The following CAPS2 variants were observed in gnomAD, a reference collection of about 807,000 sequenced individuals.
The protein encoded by CAPS2 is calcyphosine 2.
A neutral mutation model predicts 86.5 loss-of-function variants in CAPS2; 98 were observed. The ratio of observed to expected loss-of-function variants is 1.13; its 90% CI spans 0.96 to 1.34. CAPS2 has a LOEUF of 1.34. Ranked by LOEUF, CAPS2 falls within the 40% of genes most tolerant of loss-of-function variation. CAPS2 has a pLI of 0.00. For synonymous variants in CAPS2, 210 were observed against 225.1 expected (o/e 0.93, Z 0.60); for missense variants, 729 against 686.8 (o/e 1.06, Z -0.69).
At chr12:75,312,086 G>C (rs185219485) in intron 7 of CAPS2, among the ~76,000 whole-genome samples, 1 of 152,218 alleles carries the variant, frequency 6.6e-6, no homozygotes, top group African/African-American at 2.4e-5. Context: ...AACCTCTTCA[G>C]AAATTCTAGC....
exon 12 of CAPS2, chr12:75,293,283 T>C (rs369420647): frequency 5.0e-6 from 8 of 1,609,994 alleles, no homozygotes; most frequent in Non-Finnish European, 6.8e-6. Flanking sequence ...TCAATATTTG[T>C]GATTCGGAGT....
chr12:75,336,341 C>T (rs977474765), intron 1 of CAPS2, among the ~76,000 whole-genome samples: 2 of 151,592 alleles, frequency 1.3e-5, no homozygotes, highest in African/African-American at 4.8e-5. Context: ...TAAAACTTAA[C>T]CATGTTAAAA....
intron 1 of CAPS2, among the ~76,000 whole-genome samples, chr12:75,379,552 G>A (rs569275891): frequency 6.6e-6 from 1 of 152,198 alleles, no homozygotes; most frequent in Admixed American, 6.5e-5. Context: ...CACTTAGTTT[G>A]GAATTGCTAG....
chr12:75,277,286 T>G (rs1413240770), exon 17 of CAPS2: 1 of 972,826 alleles, frequency 1.0e-6, no homozygotes, highest in Non-Finnish European at 1.2e-6. Context: ...CATGCCAACA[T>G]TAAGAACAGG....
At chr12:75,305,200 G>A (rs1379333879) in intron 7 of CAPS2, among the ~76,000 whole-genome samples, 1 of 151,860 alleles carries the variant, frequency 6.6e-6, no homozygotes, top group Non-Finnish European at 1.5e-5. Context: ...AGAGAACACA[G>A]GTAAAGTAAA....
rs146169501 is a variant in CAPS2 at position 75,368,939 on chromosome 12, CTT to C, written c.-395+21897_-395+21898del. 8.2e-3 allele frequency among the ~76,000 whole-genome samples: 1,244 copies of C among 151,936 alleles called. 20 individuals carry two copies. The highest frequency in any genetic ancestry group is 0.029 in the African/African-American group (1,193 of 41,520). On this transcript the variant is annotated intron_variant, in intron 1 of 5. Coordinates refer to the CAPS2 transcript ENST00000551829. The stretch of plus-strand genomic sequence containing the variant: ...TTTATCCACATTTCAATGAAATTCT[CTT>C]ATATTTTTGCATGTACTTCATGTGT...
intron 6 of CAPS2, among the ~76,000 whole-genome samples, chr12:75,313,335 A>G (rs185431432): frequency 6.6e-6 from 1 of 152,350 alleles, no homozygotes; most frequent in East Asian, 1.9e-4. Context: ...CACTATTCAT[A>G]GCAAAAGAAG....
downstream of CAPS2, chr12:75,276,017 A>G (rs2032874813): frequency 6.3e-6 from 3 of 477,064 alleles, no homozygotes; most frequent in Non-Finnish European, 1.1e-5. Context: ...AGTACATCCA[A>G]GAAATCAGTT....
intron 11 of CAPS2, among the ~76,000 whole-genome samples, chr12:75,296,243 A>G (rs2036850655): frequency 6.6e-6 from 1 of 152,072 alleles, no homozygotes; most frequent in Non-Finnish European, 1.5e-5. Flanking sequence ...CTAAGGGTAC[A>G]GTCTGTGTCA....
rs751113940 is a variant in CAPS2, at chr12:75,304,783, A to G, written c.753T>C (p.Phe251=). 4 of 1,601,412 alleles carry G rather than the reference A, an allele frequency of 2.5e-6. No individual in the cohort carries two copies. The Admixed American group carries it at 6.8e-5, about 27-fold the overall frequency. ...TTGTTTCATGTAGTGTTCTTTTTCT[A>G]AATCGAAGAGGTGTCATCTTTGAAT... The change falls in exon 8 of 17, where the codon TTT becomes TTC. Residue 251 remains phenylalanine, a synonymous_variant. Coordinates refer to ENST00000393284, the Ensembl canonical transcript of CAPS2.
At chr12:75,388,123 C>T (rs1478472149) in intron 1 of CAPS2, among the ~76,000 whole-genome samples, 4 of 152,092 alleles carry the variant, frequency 2.6e-5, no homozygotes, top group Admixed American at 2.6e-4. Context: ...AGGTTTTTCC[C>T]GTGCTGTTCT....
At chr12:75,364,507 T>C (rs981794438) in intron 1 of CAPS2, among the ~76,000 whole-genome samples, 1 of 152,222 alleles carries the variant, frequency 6.6e-6, no homozygotes, top group Non-Finnish European at 1.5e-5. Flanking sequence ...CAAAAACTTA[T>C]AGCCAATTTA....
chr12:75,311,881 G>A (rs1343480945), intron 7 of CAPS2, among the ~76,000 whole-genome samples: 2 of 151,982 alleles, frequency 1.3e-5, no homozygotes, highest in Non-Finnish European at 2.9e-5. Flanking sequence ...GGATGGTGGA[G>A]GTGAAAACAC....
intron 1 of CAPS2, among the ~76,000 whole-genome samples, chr12:75,357,504 A>G (rs2043229421): frequency 6.6e-6 from 1 of 152,120 alleles, no homozygotes; most frequent in African/African-American, 2.4e-5. Flanking sequence ...CTCTCAAGCA[A>G]CTTTACCTGA....
exon 15 of CAPS2, chr12:75,285,057 A>T (rs1398189544): frequency 6.2e-7 from 1 of 1,610,970 alleles, no homozygotes; most frequent in Admixed American, 1.7e-5. Context: ...TGTCATTCAG[A>T]ATTAGCCATG....
intron 1 of CAPS2, among the ~76,000 whole-genome samples, chr12:75,357,707 G>T (rs555881868): frequency 1.3e-5 from 2 of 151,896 alleles, no homozygotes; most frequent in Admixed American, 6.6e-5. Context: ...AAAAACCATT[G>T]TCCAATGTCC....
At chr12:75,347,840 A>G (rs774343170) in intron 1 of CAPS2, 9 of 448,100 alleles carry the variant, frequency 2.0e-5, no homozygotes, top group African/African-American at 1.0e-4. Context: ...CTCCCTCTAC[A>G]ATGCTAATCA....
chr12:75,362,999 C>A (rs1593827699), intron 1 of CAPS2: 2 of 551,180 alleles, frequency 3.6e-6, no homozygotes, highest in Non-Finnish European at 3.3e-6. Context: ...TCATTTTCAA[C>A]ATTTATGACT....
chr12:75,309,553 TA>T (rs1162423123), intron 7 of CAPS2, among the ~76,000 whole-genome samples: 3 of 152,228 alleles, frequency 2.0e-5, no homozygotes, highest in African/African-American at 7.2e-5. Flanking sequence ...ATTAACTGGA[TA>T]AAAGAATAAA....
Sources: gnomAD v4.1 joint callset for allele counts (sites outside exome capture counted in the v4.1 genomes callset) on GRCh38, gnomAD v4.1.1 for gene constraint, MANE v1.5 for transcripts, NCBI Gene and HGNC (gene_info 2026-07-23, HGNC 2026-07-21) for gene names.